The following PLPPR1 variants were observed in gnomAD, a reference collection of about 807,000 sequenced individuals.
The protein encoded by PLPPR1 is phospholipid phosphatase related 1, also known as phospholipid phosphatase-related protein type 1.
In PLPPR1, 10 loss-of-function variants were observed where a neutral mutation model predicts 33.1. That is an observed-to-expected ratio of 0.30 (90% CI 0.19 to 0.51). The LOEUF is 0.51. PLPPR1 is among the 20% of genes least tolerant of loss of function. The pLI, the probability that PLPPR1 is intolerant of heterozygous loss-of-function variation, is 0.97. For missense variants in PLPPR1, 304 were observed against 408.1 expected (o/e 0.74, Z 2.20); for synonymous variants, 151 against 151.0 (o/e 1.00, Z 0.00).
chr9:101,207,762 G>C (rs1826617163), intron 2 of PLPPR1, among the ~76,000 whole-genome samples: 1 of 152,198 alleles, frequency 6.6e-6, no homozygotes, highest in Non-Finnish European at 1.5e-5. Context: ...GAAGAATTCT[G>C]TGCCTCTGAG....
chr9:101,044,054 A>G (rs1830116145), intron 1 of PLPPR1, among the ~76,000 whole-genome samples: 1 of 152,240 alleles, frequency 6.6e-6, no homozygotes, highest in African/African-American at 2.4e-5. Flanking sequence ...GGCAAAAGGA[A>G]TAGTCAGCAG....
intron 2 of PLPPR1, among the ~76,000 whole-genome samples, chr9:101,208,735 C>T (rs1451078823): frequency 6.6e-6 from 1 of 152,090 alleles, no homozygotes; most frequent in Non-Finnish European, 1.5e-5. Context: ...TATAATGGAG[C>T]CTTTGGAGTG....
intron 2 of PLPPR1, among the ~76,000 whole-genome samples, chr9:101,208,049 T>C (rs2118761602): frequency 6.6e-6 from 1 of 152,304 alleles, no homozygotes; most frequent in South Asian, 2.1e-4. Flanking sequence ...AACAATATCC[T>C]AAAGCTGGGG....
intron 1 of PLPPR1, among the ~76,000 whole-genome samples, chr9:101,134,878 T>A (rs1212239244): frequency 6.6e-6 from 1 of 151,978 alleles, no homozygotes; most frequent in East Asian, 1.9e-4. Context: ...TCAGAGGATA[T>A]CTGTGGGCAA....
intron 1 of PLPPR1, among the ~76,000 whole-genome samples, chr9:101,135,856 C>A (rs1831371714): frequency 6.6e-6 from 1 of 152,176 alleles, no homozygotes; most frequent in Admixed American, 6.5e-5. Context: ...GTCTGCCCAG[C>A]AGGCTCTCAA....
chr9:101,060,640 T>C lies in PLPPR1; in HGVS notation c.-46+31538T>C, dbSNP rs1830335263. 2.6e-5 allele frequency among the ~76,000 whole-genome samples: 4 copies of C among 151,906 alleles called. No homozygotes were observed. The South Asian group carries it at 8.3e-4, about 31-fold the overall frequency. ...AGTATTAAAAATATATACAATAATT[T>C]AGATAATTAACACATTATTTTTTAA... On this transcript the variant is annotated intron_variant, in intron 1 of 7. Coordinates refer to ENST00000374874, the MANE Select transcript of PLPPR1 (RefSeq NM_207299.2).
intron 1 of PLPPR1, among the ~76,000 whole-genome samples, chr9:101,167,381 C>G (rs1825877200): frequency 6.6e-6 from 1 of 150,972 alleles, no homozygotes; most frequent in Non-Finnish European, 1.5e-5. Context: ...TACATCCCTG[C>G]AGGCAAGACC....
rs1045485508 is a variant in PLPPR1 at position 101,270,075 on chromosome 9, A to T, written c.252+7A>T. 2.7e-5 allele frequency: 44 copies of T among 1,613,626 alleles called. No homozygotes were observed. The highest frequency in any genetic ancestry group is 3.7e-5 in the Non-Finnish European group (44 of 1,179,546). ...TGCCACCCCAACTGCTATTGTAAGT[A>T]CAGAAATAGACTTTCCTCTTTATTG... On this transcript the variant is annotated splice_region_variant and intron_variant, in intron 3 of 7. Transcript: ENST00000374874.
rs540604118 is a variant in PLPPR1 at position 101,078,487 on chromosome 9, G to T, written c.-46+49385G>T. ...GGAATCAAATTTGTGTGTGCTTCTA[G>T]ATTTTTTTCCATGTTGAGATTGGCC... is the stretch of plus-strand genomic sequence containing the variant. On this transcript the variant is annotated intron_variant, in intron 1 of 7. Coordinates refer to ENST00000374874, the MANE Select transcript of PLPPR1 (RefSeq NM_207299.2). Among the ~76,000 whole-genome samples the T allele has an allele frequency of 1.6e-4, 24 of 152,124 alleles. 1 individual carries two copies. The South Asian group carries it at 4.8e-3, about 30-fold the overall frequency.
chr9:101,260,463 T>C (rs1405875982), intron 2 of PLPPR1, among the ~76,000 whole-genome samples: 3 of 152,026 alleles, frequency 2.0e-5, no homozygotes, highest in Admixed American at 2.0e-4. Context: ...ATGAGATAAA[T>C]GTAAGGAGAC....
intron 4 of PLPPR1, among the ~76,000 whole-genome samples, chr9:101,294,491 C>G (rs1828582335): frequency 6.6e-6 from 1 of 151,972 alleles, no homozygotes; most frequent in Admixed American, 6.5e-5. Flanking sequence ...CTGGCACAGA[C>G]ACAACAAAAA....
chr9:101,077,406 C>A (rs1564137818), intron 1 of PLPPR1, among the ~76,000 whole-genome samples: 1 of 152,158 alleles, frequency 6.6e-6, no homozygotes, highest in Non-Finnish European at 1.5e-5. Context: ...CCTTTGTTTT[C>A]TTTGTTTTCT....
intron 2 of PLPPR1, among the ~76,000 whole-genome samples, chr9:101,191,075 A>T (rs1223007942): frequency 6.6e-6 from 1 of 152,156 alleles, no homozygotes; most frequent in African/African-American, 2.4e-5. Flanking sequence ...GCCAGGATAT[A>T]AACTTTTCTA....
At chr9:101,280,075 A>C (rs992184719) in intron 3 of PLPPR1, among the ~76,000 whole-genome samples, 4 of 152,168 alleles carry the variant, frequency 2.6e-5, no homozygotes, top group African/African-American at 9.6e-5. Context: ...GAGATGACTC[A>C]AACAAATAAA....
At chr9:101,038,469 T>C (rs1427158189) in intron 1 of PLPPR1, among the ~76,000 whole-genome samples, 1 of 152,142 alleles carries the variant, frequency 6.6e-6, no homozygotes, top group Non-Finnish European at 1.5e-5. Flanking sequence ...AGCTGTAAAT[T>C]CTCCTTGATT....
rs2118977598 is a variant in PLPPR1 at position 101,324,142 on chromosome 9, T to C, written c.*85T>C. On this transcript the variant is annotated 3_prime_UTR_variant, in exon 8 of 8. Coordinates refer to ENST00000374874, the MANE Select transcript of PLPPR1 (RefSeq NM_207299.2). ...CACACAGTTGCTCAATGTCAAACTG[T>C]GATGACAAATATTACGTTTATCTAG... 1 of 1,136,428 alleles carries C rather than the reference T, an allele frequency of 8.8e-7. No homozygotes were observed. Among genetic ancestry groups the C allele is most frequent in the East Asian group, 2.4e-5 (1 of 41,290 alleles). 70.4% of individuals were successfully genotyped at this position (1,136,428 alleles called of 1,614,324 possible).
intron 1 of PLPPR1, among the ~76,000 whole-genome samples, chr9:101,164,365 CT>C (rs66835142): frequency 0.019 from 2,520 of 133,500 alleles, 77 homozygotes; most frequent in African/African-American, 0.072. Flanking sequence ...CTTTTCTTTT[CT>C]TTTTTTTTTT....
intron 1 of PLPPR1, among the ~76,000 whole-genome samples, chr9:101,030,962 T>TG (rs1296439821): frequency 1.9e-4 from 27 of 142,392 alleles, no homozygotes; most frequent in East Asian, 4.5e-4. Context: ...AAGCAGGGGG[T>TG]GGGGGGGAAT....
chr9:101,228,110 A>T (rs1827108336), intron 2 of PLPPR1, among the ~76,000 whole-genome samples: 1 of 152,132 alleles, frequency 6.6e-6, no homozygotes, highest in Non-Finnish European at 1.5e-5. Context: ...CAATCTGACA[A>T]ATTCAAGATG....
Sources: allele counts gnomAD v4.1 joint callset (sites outside exome capture counted in the v4.1 genomes callset), GRCh38; gene constraint gnomAD v4.1.1; transcripts MANE v1.5; gene names NCBI Gene and HGNC (gene_info 2026-07-23, HGNC 2026-07-21).